The following RAD1 variants were observed in gnomAD, a reference collection of about 807,000 sequenced individuals.
RAD1 encodes RAD1 checkpoint DNA exonuclease, also known as cell cycle checkpoint protein RAD1.
RAD1 carries 21 observed loss-of-function variants against 30.0 expected under a neutral mutation model. The ratio of observed to expected loss-of-function variants is 0.70; its 90% CI spans 0.50 to 1.01. The LOEUF (loss-of-function observed/expected upper bound fraction) is 1.01, where lower values mean the gene tolerates loss of function less well. Among genes scored for constraint, RAD1 ranks in the 50% least tolerant of loss-of-function variants. The pLI is 0.00. For synonymous variants in RAD1, 109 were observed against 113.6 expected (o/e 0.96, Z 0.26); for missense variants, 329 against 329.0 (o/e 1.00, Z 0.00).
At position 34,911,810 on chromosome 5, in the gene RAD1, T is replaced by C; in HGVS notation, c.310A>G (p.Thr104Ala). 19 of 1,614,036 alleles carry C rather than the reference T, an allele frequency of 1.2e-5. No homozygotes were observed. The highest frequency in any genetic ancestry group is 1.6e-5 in the Non-Finnish European group (19 of 1,179,946). The change falls in exon 4 of 6, where the codon ACT (threonine) becomes GCT (alanine). Residue 104 changes from threonine (T) to alanine (A), a missense_variant and splice_region_variant. Physicochemically the swap from Thr to Ala is moderately conservative, Grantham distance 58. Coordinates refer to ENST00000382038, the MANE Select transcript of RAD1 (RefSeq NM_002853.4). ...SIFGSSPMPGTLTALRMCYQG... is the reference protein window; with the variant it reads ...SIFGSSPMPGALTALRMCYQG... ...TAACACATTCGAAGTGCAGTTAAAG[T>C]CCCTGCAATGGAAAGAAGTCATACT...
chr5:34,906,412 G>T lies in RAD1; in HGVS notation c.*2353C>A, dbSNP rs1763655340. On this transcript the variant is annotated 3_prime_UTR_variant, in exon 6 of 6. Transcript: ENST00000382038. ...CCAGCCCTTTGGGAGGCCGAGGCGG[G>T]TGGATTGCTTGAGCTCAGGAGTTCA... 6.6e-6 allele frequency: 1 copy of T among 152,158 alleles called. No individual in the cohort carries two copies. The highest frequency in any genetic ancestry group is 6.6e-5 in the Admixed American group (1 of 15,260). The allele number at this position is 152,158 out of a possible 1,614,324, so 9.4% of individuals were successfully genotyped here.
At chr5:34,909,800 T>C (rs537802400) in intron 4 of RAD1, among the ~76,000 whole-genome samples, 1 of 152,348 alleles carries the variant, frequency 6.6e-6, no homozygotes, top group South Asian at 2.1e-4. Context: ...TTTTCCTCAC[T>C]TGGTAATACC....
intron 1 of RAD1, 91 bp from the exon 2 acceptor site, chr5:34,915,052 TGAACACGGCTGACCAGGCC>T (rs1420074528): frequency 4.4e-6 from 3 of 682,630 alleles, no homozygotes; most frequent in Non-Finnish European, 7.4e-6. Flanking sequence ...GCTGGGAGGC[TGAACACGGCTGACCAGGCC>T]GAACCCCACC....
rs1394716892 is a variant in RAD1, at chr5:34,908,142, G to A, written c.*623C>T. ...ATAAATAAATAAAAGATCATTTCAG[G>A]TAGCTGCATCAAACTTTAAGCCTTT... On this transcript the variant is annotated 3_prime_UTR_variant, in exon 6 of 6. Coordinates refer to ENST00000382038, the MANE Select transcript of RAD1 (RefSeq NM_002853.4). The A allele has an allele frequency of 1.3e-5, 2 of 149,846 alleles. No homozygotes were observed. Among genetic ancestry groups the A allele is most frequent in the Non-Finnish European group, 3.0e-5 (2 of 67,712 alleles). 9.3% of individuals were successfully genotyped at this position (149,846 alleles called of 1,614,324 possible). A position where few individuals can be genotyped will look rare whatever the true frequency, so the allele number is the denominator to read the frequency against.
chr5:34,911,630 G>A lies in RAD1; in HGVS notation c.490C>T (p.Arg164Cys), dbSNP rs1183076251. 5 of 1,614,060 alleles carry A rather than the reference G, an allele frequency of 3.1e-6. No homozygotes were observed. The highest frequency in any genetic ancestry group is 2.2e-5 in the South Asian group (2 of 91,068). ...ATATCCAATTCAGAAAATGCTTCAC[G>A]GAGCCCCTCTGACTGCAGAATAATT... Reference protein sequence around the residue: ...NKIILQSEGLREAFSELDMTS... With the variant: ...NKIILQSEGLCEAFSELDMTS... Residue 164 changes from arginine to cysteine, a missense_variant, in exon 4 of 6, where the codon CGT becomes TGT. Arg to Cys is a radical substitution (Grantham distance 180, BLOSUM62 -3). Transcript: ENST00000382038.
chr5:34,909,006 C>G, intron 5 of RAD1, 58 bp from the exon 6 acceptor site: 3 of 1,399,476 alleles, frequency 2.1e-6, no homozygotes. Flanking sequence ...GCTCAGAACT[C>G]CCAAGTAAAG....
At chr5:34,909,825 GACAATTTATAAGTGTTA>G (rs1763772583) in intron 4 of RAD1, among the ~76,000 whole-genome samples, 1 of 152,142 alleles carries the variant, frequency 6.6e-6, no homozygotes. Context: ...GTTATTTGTA[GACAATTTATAAGTGTTA>G]ACATGCTGAT....
chr5:34,914,856 C>T lies in RAD1; in HGVS notation c.37G>A (p.Asp13Asn), dbSNP rs760227209. ...LLTQQIQDEDDQYSLVASLDN... is the reference protein window; with the variant it reads ...LLTQQIQDEDNQYSLVASLDN... Reference sequence around the variant, plus strand: ...AGGCTGGCCACAAGGCTGTACTGATCATCCTCGTCTTGGATCTGTTGGGTC... The same window carrying T: ...AGGCTGGCCACAAGGCTGTACTGATTATCCTCGTCTTGGATCTGTTGGGTC... The change falls in exon 2 of 6, where the codon GAT (aspartate) becomes AAT (asparagine). Residue 13 changes from aspartate (D) to asparagine (N), a missense_variant. By Grantham distance (23) the Asp-to-Asn change is conservative. Coordinates refer to ENST00000382038, the MANE Select transcript of RAD1 (RefSeq NM_002853.4). The T allele has an allele frequency of 6.0e-5, 97 of 1,614,032 alleles. 1 individual carries two copies. Among genetic ancestry groups the T allele is most frequent in the Non-Finnish European group, 7.8e-5 (92 of 1,180,054 alleles).
Position 34,908,853 on chromosome 5 carries a change from T to G in RAD1, c.761A>C (p.Gln254Pro), listed in dbSNP as rs755330191. 2.5e-6 allele frequency: 4 copies of G among 1,612,452 alleles called. No homozygotes were observed. In the South Asian group the frequency reaches 3.3e-5, roughly 13 times the overall value. ...RTDNRGFLSL[Q>P]YMIRNEDGQI... ...TCCATCTTCATTTCTAATCATATAC[T>G]GTAATGAAAGGAAGCCTCTGTTATC... Residue 254 changes from glutamine to proline, a missense_variant, in exon 6 of 6, where the codon CAG (glutamine) becomes CCG (proline). By Grantham distance (76) the Gln-to-Pro change is moderately conservative (BLOSUM62 -1). Transcript: ENST00000382038.
intron 2 of RAD1, chr5:34,914,091 C>T (rs1464419301): frequency 7.0e-6 from 3 of 427,470 alleles, no homozygotes; most frequent in African/African-American, 2.0e-5. Context: ...TGTGCACTTA[C>T]GTGTTAAAAA....
chr5:34,905,803 T>A lies in RAD1; in HGVS notation c.*2962A>T, dbSNP rs1341752335. On this transcript the variant is annotated 3_prime_UTR_variant, in exon 6 of 6. Coordinates refer to ENST00000382038, the MANE Select transcript of RAD1 (RefSeq NM_002853.4). ...ATAGGAAATAAAGTTAAACTTTTAT[T>A]AAAGTAAAAATTCCTGGGTCAATTA... 2 of 152,208 alleles carry A rather than the reference T, an allele frequency of 1.3e-5. No individual in the cohort carries two copies. Among genetic ancestry groups the A allele is most frequent in the Non-Finnish European group, 2.9e-5 (2 of 68,036 alleles). The allele number at this position is 152,208 out of a possible 1,614,324, so 9.4% of individuals were successfully genotyped here.
intron 1 of RAD1, 133 bp from the exon 2 acceptor site, chr5:34,915,094 C>T (rs1282949460): frequency 6.8e-6 from 4 of 586,044 alleles, no homozygotes; most frequent in Non-Finnish European, 1.2e-5. Context: ...TGTCACTTAA[C>T]TATCTTTGTA....
At chr5:34,913,294 G>A (rs1396739281) in intron 3 of RAD1, among the ~76,000 whole-genome samples, 176 bp downstream of exon 3, 1 of 151,974 alleles carries the variant, frequency 6.6e-6, no homozygotes, top group Non-Finnish European at 1.5e-5. Context: ...AATATGAAAA[G>A]AATTATAAAC....
chr5:34,911,955 A>G, intron 3 of RAD1, 143 bp from the exon 4 acceptor site: 1 of 982,624 alleles, frequency 1.0e-6, no homozygotes, highest in Middle Eastern at 2.2e-4. Context: ...AAAAGGGATG[A>G]CATCTTCCCT....
At chr5:34,910,110 T>C (rs1290099967) in intron 4 of RAD1, among the ~76,000 whole-genome samples, 2 of 152,132 alleles carry the variant, frequency 1.3e-5, no homozygotes, top group Non-Finnish European at 2.9e-5. Flanking sequence ...CTGAGCACCA[T>C]AACTACATAT....
chr5:34,914,814 G>C lies in RAD1; in HGVS notation c.79C>G (p.Leu27Val), dbSNP rs767133642. The change falls in exon 2 of 6, where the codon CTC (leucine) becomes GTC (valine). Residue 27 changes from leucine (L) to valine (V), a missense_variant. Leu to Val is a conservative substitution (Grantham distance 32). Transcript: ENST00000382038. ...TGAATAGCTTTCAAGATAGTGGAGA[G>C]ATTCCTAACGTTGTCAAGGCTGGCC... ...LVASLDNVRN[L>V]STILKAIHFR... 6.2e-7 allele frequency: 1 copy of C among 1,614,222 alleles called. No homozygotes were observed. The highest frequency in any genetic ancestry group is 8.5e-7 in the Non-Finnish European group (1 of 1,180,028).
At chr5:34,914,338 A>C (rs1290860862) in intron 2 of RAD1, 2 of 299,630 alleles carry the variant, frequency 6.7e-6, no homozygotes, top group African/African-American at 2.2e-5. Context: ...CCACATATAT[A>C]AAACGGGAAT....
intron 3 of RAD1, among the ~76,000 whole-genome samples, chr5:34,913,220 C>G (rs1270816603): frequency 6.6e-6 from 1 of 151,852 alleles, no homozygotes; most frequent in Non-Finnish European, 1.5e-5. Context: ...ATTCTTTTGG[C>G]CAGTTCGAAT....
rs1414668636 is a variant in RAD1, at chr5:34,911,776, T to C, written c.344A>G (p.Tyr115Cys). The C allele has an allele frequency of 1.2e-6, 2 of 1,614,016 alleles. No individual in the cohort carries two copies. The highest frequency in any genetic ancestry group is 1.7e-6 in the Non-Finnish European group (2 of 1,179,998). ...LTALRMCYQG[Y>C]GYPLMLFLEE... ...CAGGAACAGCATCAAAGGGTAACCA[T>C]AACCTTGGTAACACATTCGAAGTGC... The change falls in exon 4 of 6, where the codon TAT becomes TGT. Residue 115 changes from tyrosine to cysteine, a missense_variant. Physicochemically the swap from Tyr to Cys is radical, Grantham distance 194 (BLOSUM62 -2). Coordinates refer to ENST00000382038, the MANE Select transcript of RAD1 (RefSeq NM_002853.4).
Sources: allele counts gnomAD v4.1 joint callset (sites outside exome capture counted in the v4.1 genomes callset), GRCh38; gene constraint gnomAD v4.1.1; transcripts MANE v1.5; gene names NCBI Gene and HGNC (gene_info 2026-07-23, HGNC 2026-07-21).